Variants in ADGRL3 observed in about 807,000 individuals in gnomAD.
The protein encoded by ADGRL3 is calcium-independent alpha-latrotoxin receptor 3.
ADGRL3 carries 62 observed loss-of-function variants against 153.5 expected under a neutral mutation model. The ratio of observed to expected loss-of-function variants is 0.40; its 90% CI spans 0.33 to 0.50. The LOEUF is 0.50. Among genes scored for constraint, ADGRL3 ranks in the 20% least tolerant of loss-of-function variants. The pLI, the probability that ADGRL3 is intolerant of heterozygous loss-of-function variation, is 0.47. For synonymous variants in ADGRL3, 710 were observed against 672.5 expected, an observed-to-expected ratio of 1.06 and a Z score of -0.86; for missense variants, 1,641 against 1,859.4, an observed-to-expected ratio of 0.88 and a Z score of 2.16.
chr4:61,687,803 C>T (rs973505674), intron 6 of ADGRL3, among the ~76,000 whole-genome samples: 1 of 151,960 alleles, frequency 6.6e-6, no homozygotes, highest in Non-Finnish European at 1.5e-5. Context: ...TATTTTCTCA[C>T]AACTTCAAAT....
intron 1 of ADGRL3, among the ~76,000 whole-genome samples, chr4:61,360,011 A>T (rs1578424286): frequency 1.3e-5 from 2 of 152,110 alleles, no homozygotes; most frequent in Non-Finnish European, 2.9e-5. Flanking sequence ...CTGATGTTTC[A>T]TCTCAATTGC....
intron 8 of ADGRL3, among the ~76,000 whole-genome samples, chr4:61,751,483 G>T (rs934389458): frequency 6.6e-6 from 1 of 152,096 alleles, no homozygotes; most frequent in Non-Finnish European, 1.5e-5. Flanking sequence ...GTAGATTTGG[G>T]CCCAATTCTG....
intron 8 of ADGRL3, among the ~76,000 whole-genome samples, chr4:61,779,313 C>T (rs57521570): frequency 2.6e-5 from 4 of 151,502 alleles, no homozygotes; most frequent in East Asian, 3.9e-4. Flanking sequence ...TGAAACTCTG[C>T]GGGGGGGTGG....
chr4:61,245,912 G>A (rs561521080), intron 1 of ADGRL3, among the ~76,000 whole-genome samples: 9 of 151,714 alleles, frequency 5.9e-5, no homozygotes, highest in African/African-American at 9.7e-5. Context: ...CTTATTCTTC[G>A]TCTTTATTTT....
intron 9 of ADGRL3, among the ~76,000 whole-genome samples, chr4:61,868,250 C>T (rs1157008808): frequency 6.6e-6 from 1 of 152,104 alleles, no homozygotes; most frequent in African/African-American, 2.4e-5. Flanking sequence ...TAACAAGTTT[C>T]TGTAGATTTT....
At chr4:61,833,534 C>G (rs962406523) in intron 9 of ADGRL3, among the ~76,000 whole-genome samples, 2 of 151,908 alleles carry the variant, frequency 1.3e-5, no homozygotes, top group African/African-American at 2.4e-5. Context: ...GCTGTCTTCT[C>G]GGATTGAGTC....
intron 9 of ADGRL3, among the ~76,000 whole-genome samples, chr4:61,841,251 T>C (rs1300453482): frequency 1.3e-5 from 2 of 152,192 alleles, no homozygotes; most frequent in African/African-American, 4.8e-5. Context: ...AGAAAATCCT[T>C]AGGCATAACT....
At chr4:61,856,950 C>CTCTTTCTTTCTTTCTTTCTTTCTT (rs55713412) in intron 9 of ADGRL3, among the ~76,000 whole-genome samples, 4 of 56,970 alleles carry the variant, frequency 7.0e-5, no homozygotes, top group Admixed American at 2.1e-4. Flanking sequence ...CTTTCTTCTT[C>CTCTTTCTTTCTTTCTTTCTTTCTT]TCTTTCTTTC....
At chr4:61,247,799 T>C (rs1395227254) in intron 1 of ADGRL3, among the ~76,000 whole-genome samples, 1 of 151,984 alleles carries the variant, frequency 6.6e-6, no homozygotes. Context: ...CTCAAAGGTA[T>C]CAATAATAAT....
intron 4 of ADGRL3, among the ~76,000 whole-genome samples, chr4:61,574,382 T>C (rs1407750364): frequency 6.6e-6 from 1 of 151,994 alleles, no homozygotes; most frequent in African/African-American, 2.4e-5. Flanking sequence ...TTTAGAACCT[T>C]ACTAATTAAG....
intron 8 of ADGRL3, among the ~76,000 whole-genome samples, chr4:61,754,894 T>A (rs891252460): frequency 1.3e-5 from 2 of 152,230 alleles, no homozygotes; most frequent in Admixed American, 1.3e-4. Flanking sequence ...CTTGCGATAG[T>A]TTGCTGAGAA....
At chr4:61,440,160 C>T (rs574677816) in intron 2 of ADGRL3, among the ~76,000 whole-genome samples, 2 of 152,132 alleles carry the variant, frequency 1.3e-5, no homozygotes, top group South Asian at 4.1e-4. Flanking sequence ...GCGATTCTCC[C>T]ATCTCAGCCC....
At chr4:61,489,172 A>G (rs1474323291) in intron 2 of ADGRL3, among the ~76,000 whole-genome samples, 3 of 151,970 alleles carry the variant, frequency 2.0e-5, no homozygotes, top group African/African-American at 7.2e-5. Flanking sequence ...TTAAATTCAG[A>G]TGTGAACATT....
intron 11 of ADGRL3, among the ~76,000 whole-genome samples, chr4:61,899,730 G>A (rs2098653589): frequency 6.6e-6 from 1 of 152,096 alleles, no homozygotes; most frequent in Non-Finnish European, 1.5e-5. Context: ...TATGGTTCTG[G>A]AGGCTGGAAA....
chr4:61,738,212 C>T (rs1424590429), intron 8 of ADGRL3, among the ~76,000 whole-genome samples: 2 of 152,140 alleles, frequency 1.3e-5, no homozygotes, highest in African/African-American at 4.8e-5. Flanking sequence ...GAATAATAGT[C>T]TCCAAGTCCA....
At chr4:61,563,837 G>A (rs759498213) in intron 4 of ADGRL3, among the ~76,000 whole-genome samples, 2 of 151,954 alleles carry the variant, frequency 1.3e-5, no homozygotes, top group African/African-American at 2.4e-5. Context: ...GTGAAATCCC[G>A]TCTCTACTAA....
chr4:61,468,790 C>A (rs1485211678), intron 2 of ADGRL3, among the ~76,000 whole-genome samples: 1 of 152,096 alleles, frequency 6.6e-6, no homozygotes, highest in African/African-American at 2.4e-5. Context: ...ACACCACAGA[C>A]TCAACCAAGG....
At chr4:61,943,049 C>T (rs2098906615) in intron 15 of ADGRL3, among the ~76,000 whole-genome samples, 1 of 18,858 alleles carries the variant, frequency 5.3e-5, no homozygotes, top group Non-Finnish European at 9.4e-5. Context: ...TGGATCCTTC[C>T]TGCTTTCTCT....
intron 9 of ADGRL3, among the ~76,000 whole-genome samples, chr4:61,868,598 T>C (rs1205705432): frequency 2.6e-5 from 4 of 152,200 alleles, no homozygotes. Context: ...AACTTTACTG[T>C]TGATTATAAT....
Sources: gnomAD v4.1 joint callset for allele counts (sites outside exome capture counted in the v4.1 genomes callset) on GRCh38, gnomAD v4.1.1 for gene constraint, MANE v1.5 for transcripts, NCBI Gene and HGNC (gene_info 2026-07-23, HGNC 2026-07-21) for gene names.